The following BMPR1B variants were observed in gnomAD, a reference collection of about 807,000 sequenced individuals.
BMPR1B encodes bone morphogenetic protein receptor type 1B.
A neutral mutation model predicts 59.1 loss-of-function variants in BMPR1B; 12 were observed. That is an observed-to-expected ratio of 0.20 (90% CI 0.13 to 0.33). The LOEUF (loss-of-function observed/expected upper bound fraction) is 0.33, where lower values mean the gene tolerates loss of function less well. Among genes scored for constraint, BMPR1B ranks in the 10% least tolerant of loss-of-function variants. The probability of loss-of-function intolerance (pLI) is 1.00; values close to 1 mark genes in which losing one functional copy is unlikely to be tolerated. For synonymous variants in BMPR1B, 237 were observed against 207.3 expected (o/e 1.14, Z -1.23); for missense variants, 550 against 610.9 (o/e 0.90, Z 1.05).
intron 3 of BMPR1B, among the ~76,000 whole-genome samples, chr4:95,019,151 G>A (rs1383547931): frequency 2.0e-5 from 3 of 152,098 alleles, no homozygotes; most frequent in African/African-American, 4.8e-5. Context: ...AATGGAAGTC[G>A]CTAATGGAAA....
intron 1 of BMPR1B, among the ~76,000 whole-genome samples, chr4:94,788,499 AC>A (rs1414565126): frequency 1.3e-5 from 2 of 152,134 alleles, no homozygotes; most frequent in Admixed American, 6.5e-5. Context: ...AGTCTGGGTC[AC>A]CCCATAAGGC....
At chr4:95,015,614 T>A (rs2149129572) in intron 3 of BMPR1B, among the ~76,000 whole-genome samples, 1 of 152,256 alleles carries the variant, frequency 6.6e-6, no homozygotes, top group African/African-American at 2.4e-5. Flanking sequence ...CTCTAGCTCC[T>A]GACCTCAGGT....
intron 2 of BMPR1B, among the ~76,000 whole-genome samples, chr4:94,942,488 ATTCTT>A (rs1442475096): frequency 6.6e-6 from 1 of 152,216 alleles, no homozygotes; most frequent in Non-Finnish European, 1.5e-5. Flanking sequence ...AGAAAAAACT[ATTCTT>A]TACTTGTTAT....
intron 1 of BMPR1B, among the ~76,000 whole-genome samples, chr4:94,839,970 C>G (rs1291073200): frequency 1.3e-5 from 2 of 150,966 alleles, no homozygotes; most frequent in East Asian, 3.8e-4. Context: ...TGACAAAAAT[C>G]TCTCAGCATT....
intron 1 of BMPR1B, among the ~76,000 whole-genome samples, chr4:94,780,598 T>G (rs1210042499): frequency 2.0e-5 from 3 of 151,958 alleles, no homozygotes; most frequent in African/African-American, 7.2e-5. Context: ...ACATCCAGGT[T>G]GTTTTCTAAA....
Position 94,783,177 on chromosome 4 carries a change from G to A in BMPR1B, c.-183+25109G>A, listed in dbSNP as rs560773670. Among the ~76,000 whole-genome samples the A allele has an allele frequency of 2.0e-4, 31 of 152,258 alleles. No homozygotes were observed. In the Middle Eastern group the frequency reaches 0.01, roughly 50 times the overall value. ...TATTAGGATCCACGAATTGCTGGCCGATTGTTCTATTGTTGTGACAGTGCT... is the reference window on the plus strand; with the variant it reads ...TATTAGGATCCACGAATTGCTGGCCAATTGTTCTATTGTTGTGACAGTGCT... On this transcript the variant is annotated intron_variant, in intron 1 of 12. Coordinates refer to ENST00000515059, the MANE Select transcript of BMPR1B (RefSeq NM_001203.3).
At chr4:94,809,823 G>A (rs933770301) in intron 1 of BMPR1B, among the ~76,000 whole-genome samples, 2 of 152,224 alleles carry the variant, frequency 1.3e-5, no homozygotes, top group Non-Finnish European at 2.9e-5. Flanking sequence ...TCTGGCCTCT[G>A]CCAGTATCCC....
chr4:94,925,225 T>C (rs1016092253), intron 2 of BMPR1B, among the ~76,000 whole-genome samples: 3 of 152,120 alleles, frequency 2.0e-5, no homozygotes, highest in Non-Finnish European at 4.4e-5. Flanking sequence ...ATAAATGTCT[T>C]ACACTTTTAG....
chr4:94,899,069 T>C (rs540390614), intron 2 of BMPR1B, among the ~76,000 whole-genome samples: 32 of 152,118 alleles, frequency 2.1e-4, no homozygotes, highest in African/African-American at 6.0e-4. Context: ...TTCCTTGCCT[T>C]ATCCAGCCTC....
At chr4:95,143,027 A>G (rs886300462) in intron 10 of BMPR1B, among the ~76,000 whole-genome samples, 10 of 152,142 alleles carry the variant, frequency 6.6e-5, no homozygotes, top group Non-Finnish European at 1.3e-4. Flanking sequence ...TAAGGCATGC[A>G]CTGTTCCCTG....
intron 1 of BMPR1B, among the ~76,000 whole-genome samples, chr4:94,804,590 CTT>C (rs5860375): frequency 4.9e-5 from 6 of 121,524 alleles, no homozygotes; most frequent in Non-Finnish European, 3.3e-5. Context: ...CTTTGTAATA[CTT>C]TTTTTTTTTT....
chr4:94,999,598 C>T (rs1472459740), intron 3 of BMPR1B, among the ~76,000 whole-genome samples: 1 of 152,028 alleles, frequency 6.6e-6, no homozygotes, highest in Admixed American at 6.6e-5. Flanking sequence ...TCAAAAAAAC[C>T]AGCTAGTTGC....
chr4:95,090,244 C>G (rs1374978052), intron 3 of BMPR1B, among the ~76,000 whole-genome samples: 8 of 151,710 alleles, frequency 5.3e-5, no homozygotes. Context: ...TAAAAAATAA[C>G]TTAAAATGTT....
rs28601734 is a variant in BMPR1B, at chr4:95,097,569, C to T, written c.-17-6839C>T. On this transcript the variant is annotated intron_variant, in intron 3 of 12. Coordinates refer to ENST00000515059, the MANE Select transcript of BMPR1B (RefSeq NM_001203.3). ...TCTTTTTTTTGTTGAGACAGAGTCT[C>T]GATCTGTCGCCAGGCTGGAGTGCAG... is the stretch of plus-strand genomic sequence containing the variant. 2.6e-5 allele frequency among the ~76,000 whole-genome samples: 4 copies of T among 151,954 alleles called. 1 individual carries two copies. In the South Asian group the frequency reaches 8.3e-4, roughly 32 times the overall value.
intron 3 of BMPR1B, among the ~76,000 whole-genome samples, chr4:95,026,106 C>CTTTCTTTCTTTCTTTT (rs1560602863): frequency 1.6e-4 from 21 of 133,272 alleles, no homozygotes; most frequent in African/African-American, 3.2e-4. Flanking sequence ...TCATTTCTTT[C>CTTTCTTTCTTTCTTTT]TTTCTTTCTT....
At chr4:94,906,316 TTTGCA>T (rs779400664) in intron 2 of BMPR1B, among the ~76,000 whole-genome samples, 11 of 152,056 alleles carry the variant, frequency 7.2e-5, no homozygotes, top group Non-Finnish European at 1.2e-4. Context: ...CATTTTTTGT[TTTGCA>T]TGGTACTTAT....
chr4:94,866,311 T>A (rs1726239559), intron 1 of BMPR1B, among the ~76,000 whole-genome samples: 1 of 152,166 alleles, frequency 6.6e-6, no homozygotes, highest in African/African-American at 2.4e-5. Flanking sequence ...TGTGTCAACA[T>A]CCACTTGTAT....
intron 2 of BMPR1B, among the ~76,000 whole-genome samples, chr4:94,964,927 C>T (rs1279828097): frequency 1.3e-5 from 2 of 152,130 alleles, no homozygotes; most frequent in Non-Finnish European, 2.9e-5. Flanking sequence ...TATTCTCCTA[C>T]CAGAGTACCC....
At chr4:95,041,084 T>C (rs1317066290) in intron 3 of BMPR1B, among the ~76,000 whole-genome samples, 1 of 152,214 alleles carries the variant, frequency 6.6e-6, no homozygotes, top group Non-Finnish European at 1.5e-5. Flanking sequence ...TTAATGACAA[T>C]ATATGTATTT....
Sources: allele counts gnomAD v4.1 joint callset (sites outside exome capture counted in the v4.1 genomes callset), GRCh38; gene constraint gnomAD v4.1.1; transcripts MANE v1.5; gene names NCBI Gene and HGNC (gene_info 2026-07-23, HGNC 2026-07-21).